The following TEKT3 variants were observed in gnomAD, a reference collection of about 807,000 sequenced individuals.
TEKT3 encodes the protein tektin-3.
TEKT3 carries 49 observed loss-of-function variants against 49.8 expected under a neutral mutation model. The observed-to-expected ratio is 0.98, with a 90% CI of 0.78 to 1.25. The LOEUF is 1.25. Ranked by LOEUF, TEKT3 falls within the 50% of genes most tolerant of loss-of-function variation. The pLI is 0.00. For missense variants in TEKT3, 595 were observed against 629.5 expected (o/e 0.95, Z 0.59); for synonymous variants, 225 against 237.2 (o/e 0.95, Z 0.47).
intron 3 of TEKT3, among the ~76,000 whole-genome samples, chr17:15,328,548 G>A (rs1049422920): frequency 6.6e-6 from 1 of 152,040 alleles, no homozygotes; most frequent in African/African-American, 2.4e-5. Flanking sequence ...GTCATTGATT[G>A]TTTTCCCAAT....
chr17:15,318,190 G>A (rs1180003729), intron 5 of TEKT3, among the ~76,000 whole-genome samples: 3 of 151,424 alleles, frequency 2.0e-5, no homozygotes, highest in Admixed American at 6.6e-5. Context: ...GGACTTTCAT[G>A]GTGTTAGCCA....
At chr17:15,311,783 T>C (rs1017868127) in intron 7 of TEKT3, among the ~76,000 whole-genome samples, 16 of 152,238 alleles carry the variant, frequency 1.1e-4, no homozygotes, top group Admixed American at 5.2e-4. Context: ...CTTCATTTTG[T>C]AGTCATTGTA....
intron 2 of TEKT3, among the ~76,000 whole-genome samples, chr17:15,333,319 G>T (rs1322693420): frequency 6.6e-6 from 1 of 152,166 alleles, no homozygotes; most frequent in Non-Finnish European, 1.5e-5. Context: ...TATGTCTTGA[G>T]GACTTTGGTA....
At chr17:15,305,050 T>C (rs1910486459) in intron 8 of TEKT3, among the ~76,000 whole-genome samples, 1 of 152,176 alleles carries the variant, frequency 6.6e-6, no homozygotes, top group Non-Finnish European at 1.5e-5. Flanking sequence ...GTGCAAAAAC[T>C]ACTTATTGGG....
chr17:15,321,013 A>T (rs1000948345), intron 4 of TEKT3, among the ~76,000 whole-genome samples: 16 of 145,500 alleles, frequency 1.1e-4, no homozygotes, highest in African/African-American at 2.8e-4. Context: ...TACAACAATA[A>T]TTTTTTTTTT....
At chr17:15,343,500 G>T (rs530493962), upstream of TEKT3, among the ~76,000 whole-genome samples, 1 of 152,308 alleles carries the variant, frequency 6.6e-6, no homozygotes, top group East Asian at 1.9e-4. Context: ...CTAGGATTCA[G>T]CTATTCAACC....
At chr17:15,341,232 G>C (rs1289123781) in intron 1 of TEKT3, among the ~76,000 whole-genome samples, 1 of 152,200 alleles carries the variant, frequency 6.6e-6, no homozygotes, top group Non-Finnish European at 1.5e-5. Context: ...GAAATTAAAC[G>C]AATTAGCACA....
chr17:15,308,008 C>T (rs1397280318), intron 8 of TEKT3, among the ~76,000 whole-genome samples: 1 of 152,096 alleles, frequency 6.6e-6, no homozygotes, highest in African/African-American at 2.4e-5. Context: ...ACTGTGGGGT[C>T]AGATTCCTCC....
At chr17:15,322,393 G>A (rs1318777187) in intron 4 of TEKT3, among the ~76,000 whole-genome samples, 1 of 152,128 alleles carries the variant, frequency 6.6e-6, no homozygotes, top group Non-Finnish European at 1.5e-5. Flanking sequence ...CCTAGTAGAT[G>A]CTGAGTGTTC....
intron 7 of TEKT3, chr17:15,311,100 G>A (rs1266868393): frequency 1.3e-5 from 2 of 152,198 alleles, no homozygotes; most frequent in Non-Finnish European, 2.9e-5. Context: ...AGCTTTTCAT[G>A]TGCAAGTATT....
rs756880229 is a variant in TEKT3, at chr17:15,304,386, T to C, written c.1257-234A>G. 1.3e-5 allele frequency among the ~76,000 whole-genome samples: 2 copies of C among 152,184 alleles called. No homozygotes were observed. The highest frequency in any genetic ancestry group is 2.9e-5 in the Non-Finnish European group (2 of 68,034). On this transcript the variant is annotated intron_variant, in intron 8 of 8. Transcript: ENST00000395930. The surrounding 1 kb of genome is among the most constrained non-coding windows in gnomAD (Gnocchi z 4.7). Reference sequence around the variant, plus strand: ...GAGATAGAAAAGGATTTCATAATTATAGAAAAATATCTAGACCATTTTAAA... The same window carrying C: ...GAGATAGAAAAGGATTTCATAATTACAGAAAAATATCTAGACCATTTTAAA...
At chr17:15,317,505 A>G (rs577016294) in intron 5 of TEKT3, among the ~76,000 whole-genome samples, 25 of 151,880 alleles carry the variant, frequency 1.6e-4, no homozygotes, top group Non-Finnish European at 2.2e-4. Flanking sequence ...AAATTAAAAA[A>G]CCCTTCCAGT....
At chr17:15,334,057 C>CTGTTTATTTATTTTCAGAGA (rs1388316042) in intron 2 of TEKT3, among the ~76,000 whole-genome samples, 1 of 151,612 alleles carries the variant, frequency 6.6e-6, no homozygotes, top group Non-Finnish European at 1.5e-5. Context: ...GCCACCACGC[C>CTGTTTATTTATTTTCAGAGA]CAGCTGGTTT....
chr17:15,317,988 T>G (rs1911080120), intron 5 of TEKT3, among the ~76,000 whole-genome samples: 1 of 63,180 alleles, frequency 1.6e-5, no homozygotes, highest in East Asian at 4.3e-4. Context: ...TTTTTTTTTT[T>G]TTCTTTTTTT....
At chr17:15,334,883 G>T (rs571826850) in intron 2 of TEKT3, among the ~76,000 whole-genome samples, 3 of 152,314 alleles carry the variant, frequency 2.0e-5, no homozygotes, top group Middle Eastern at 3.4e-3. Context: ...AACCAAGACT[G>T]TCATGAACTA....
At chr17:15,321,297 C>A (rs2037121733) in intron 4 of TEKT3, among the ~76,000 whole-genome samples, 1 of 152,056 alleles carries the variant, frequency 6.6e-6, no homozygotes, top group African/African-American at 2.4e-5. Flanking sequence ...GCGTGAGCCA[C>A]CATGCCCGGC....
chr17:15,318,937 T>C, intron 5 of TEKT3, 140 bp downstream of exon 5: 2 of 600,294 alleles, frequency 3.3e-6, no homozygotes, highest in Non-Finnish European at 5.6e-6. Context: ...TATCAAGTAA[T>C]CATCTTAACA....
At chr17:15,324,802 T>G (rs145239073) in intron 4 of TEKT3, among the ~76,000 whole-genome samples, 2 of 152,334 alleles carry the variant, frequency 1.3e-5, no homozygotes, top group East Asian at 3.9e-4. Flanking sequence ...TGCTTTTCCT[T>G]GTGTTGTTTG....
At chr17:15,333,205 G>A (rs1567584287) in intron 2 of TEKT3, among the ~76,000 whole-genome samples, 1 of 152,006 alleles carries the variant, frequency 6.6e-6, no homozygotes. Flanking sequence ...CTGTTTTGGG[G>A]TTAATGTCTA....
Sources: allele counts gnomAD v4.1 joint callset (sites outside exome capture counted in the v4.1 genomes callset), GRCh38; gene constraint gnomAD v4.1.1; non-coding constraint Gnocchi (gnomAD v3.1); transcripts MANE v1.5; gene names NCBI Gene and HGNC (gene_info 2026-07-23, HGNC 2026-07-21).